PRAG1: variants seen among roughly 807,000 people sequenced by gnomAD.
PRAG1 encodes inactive tyrosine-protein kinase PRAG1.
A neutral mutation model predicts 95.6 loss-of-function variants in PRAG1; 110 were observed. That is an observed-to-expected ratio of 1.15 (90% CI 0.99 to 1.35). PRAG1 has a LOEUF of 1.35. Ranked by LOEUF, PRAG1 falls within the 40% of genes most tolerant of loss-of-function variation. PRAG1 has a pLI of 0.00. For synonymous variants in PRAG1, 1,052 were observed against 819.4 expected, an observed-to-expected ratio of 1.28 and a Z score of -4.85; for missense variants, 2,554 against 1,864.7, an observed-to-expected ratio of 1.37 and a Z score of -6.81.
chr8:8,354,732 G>T (rs1033696007), intron 3 of PRAG1, among the ~76,000 whole-genome samples: 10 of 152,068 alleles, frequency 6.6e-5, no homozygotes, highest in African/African-American at 2.4e-4. Flanking sequence ...ATCCTTTCTT[G>T]ATAAAAACTC....
intron 3 of PRAG1, among the ~76,000 whole-genome samples, chr8:8,366,401 A>G (rs1295710130): frequency 6.6e-6 from 1 of 150,694 alleles, no homozygotes; most frequent in African/African-American, 2.4e-5. Context: ...GCAACCTCCA[A>G]CTCCCGGGTT....
rs1226075075 is a variant in PRAG1, at chr8:8,328,102, G to C, written c.2680C>G (p.Pro894Ala). 1 of 1,611,942 alleles carries C rather than the reference G, an allele frequency of 6.2e-7. No homozygotes were observed. Among genetic ancestry groups the C allele is most frequent in the African/African-American group, 1.3e-5 (1 of 74,896 alleles). Residue 894 changes from proline to alanine, a missense_variant, in exon 5 of 6, where the codon CCG becomes GCG. Pro to Ala is a conservative substitution (Grantham distance 27, BLOSUM62 -1). Coordinates refer to ENST00000615670, the MANE Select transcript of PRAG1 (RefSeq NM_001080826.3). ...KAFKGSGHWLPAAGLAGNRGG... is the reference protein window; with the variant it reads ...KAFKGSGHWLAAAGLAGNRGG... Reference sequence around the variant, plus strand: ...CTGTTGCCCGCCAGCCCTGCTGCCGGAAGCCAGTGGCCACTGCCTTTGAAA... The same window carrying C: ...CTGTTGCCCGCCAGCCCTGCTGCCGCAAGCCAGTGGCCACTGCCTTTGAAA...
chr8:8,328,213 G>A lies in PRAG1; in HGVS notation c.2569C>T (p.His857Tyr), dbSNP rs919998593. ...LNLSHSETNV[H>Y]DESHFSYSLS... ...GAATAGCTAAAGTGAGATTCGTCGT[G>A]GACGTTGGTTTCCGAGTGGCTTAGG... is the stretch of plus-strand genomic sequence containing the variant. The change falls in exon 5 of 6, where the codon CAC becomes TAC. Residue 857 changes from histidine to tyrosine, a missense_variant. Coordinates refer to ENST00000615670, the MANE Select transcript of PRAG1 (RefSeq NM_001080826.3). 1.2e-6 allele frequency: 2 copies of A among 1,614,244 alleles called. No individual in the cohort carries two copies. Among genetic ancestry groups the A allele is most frequent in the Non-Finnish European group, 8.5e-7 (1 of 1,180,044 alleles).
Position 8,318,147 on chromosome 8 carries a change from G to T in PRAG1, c.*7C>A. The T allele has an allele frequency of 4.4e-6, 7 of 1,608,810 alleles. No individual in the cohort carries two copies. Among genetic ancestry groups the T allele is most frequent in the Non-Finnish European group, 5.9e-6 (7 of 1,177,314 alleles). On this transcript the variant is annotated 3_prime_UTR_variant, in exon 6 of 6. Transcript: ENST00000615670. The surrounding 1 kb of genome is among the most constrained non-coding windows in gnomAD (Gnocchi z 4.2). ...AGGGGCAGCGACGGTGCAGGCTGGGGCTTGGCTCACAGAAGCTGCAGGAGC... is the reference window on the plus strand; with the variant it reads ...AGGGGCAGCGACGGTGCAGGCTGGGTCTTGGCTCACAGAAGCTGCAGGAGC...
At chr8:8,380,090 A>G (rs1800580448) in intron 2 of PRAG1, among the ~76,000 whole-genome samples, 1 of 151,824 alleles carries the variant, frequency 6.6e-6, no homozygotes, top group African/African-American at 2.4e-5. Context: ...TCCTATCTCC[A>G]CCAAAAAACA....
chr8:8,358,584 C>A (rs1435168548), intron 3 of PRAG1, among the ~76,000 whole-genome samples: 2 of 152,200 alleles, frequency 1.3e-5, no homozygotes, highest in African/African-American at 2.4e-5. Flanking sequence ...AAAGACACAT[C>A]ATTTCTGTTG....
chr8:8,343,006 G>A (rs745952685), intron 3 of PRAG1, among the ~76,000 whole-genome samples: 13 of 151,914 alleles, frequency 8.6e-5, no homozygotes, highest in Non-Finnish European at 1.6e-4. Flanking sequence ...TTTGCAACCC[G>A]CATTACTAAT....
intron 3 of PRAG1, among the ~76,000 whole-genome samples, chr8:8,366,825 G>C (rs1225695734): frequency 6.6e-6 from 1 of 151,524 alleles, no homozygotes; most frequent in Non-Finnish European, 1.5e-5. Context: ...CTACAGGTAT[G>C]TGCCACCATG....
At chr8:8,366,286 C>T (rs977514972) in intron 3 of PRAG1, among the ~76,000 whole-genome samples, 2 of 151,596 alleles carry the variant, frequency 1.3e-5, no homozygotes, top group African/African-American at 4.9e-5. Context: ...AGACAGAGTC[C>T]CCCTACCACC....
At chr8:8,334,682 C>T (rs773120961) in intron 4 of PRAG1, among the ~76,000 whole-genome samples, 1 of 148,486 alleles carries the variant, frequency 6.7e-6, no homozygotes, top group Non-Finnish European at 1.5e-5. Context: ...CTCGAATGCC[C>T]TGCCTACAGC....
intron 2 of PRAG1, 27 bp downstream of exon 2, chr8:8,381,391 A>T (rs1366963360): frequency 2.5e-6 from 4 of 1,579,814 alleles, no homozygotes; most frequent in South Asian, 1.2e-5. Flanking sequence ...CCCCTGTAAA[A>T]ATACCACGAG....
At chr8:8,333,745 G>A (rs1798894771) in intron 4 of PRAG1, among the ~76,000 whole-genome samples, 1 of 152,172 alleles carries the variant, frequency 6.6e-6, no homozygotes, top group Admixed American at 6.5e-5. Context: ...CAGAACAAAT[G>A]CAGAAGCAAA....
intron 4 of PRAG1, among the ~76,000 whole-genome samples, chr8:8,331,773 A>C (rs866512472): frequency 1.3e-5 from 2 of 151,974 alleles, no homozygotes; most frequent in South Asian, 2.1e-4. Context: ...GAAGGAAGTG[A>C]TTTTGTCCTT....
intron 3 of PRAG1, among the ~76,000 whole-genome samples, chr8:8,368,411 C>G (rs1309359998): frequency 1.3e-5 from 2 of 152,020 alleles, no homozygotes; most frequent in African/African-American, 4.8e-5. Context: ...GGGCTCTGCC[C>G]AAAAGTCAAT....
At chr8:8,355,792 C>T (rs1799662721) in intron 3 of PRAG1, among the ~76,000 whole-genome samples, 1 of 152,038 alleles carries the variant, frequency 6.6e-6, no homozygotes, top group African/African-American at 2.4e-5. Flanking sequence ...GGATAGAAGG[C>T]CTAAATGTAG....
chr8:8,363,803 G>A (rs1222654878), intron 3 of PRAG1, among the ~76,000 whole-genome samples: 2 of 152,104 alleles, frequency 1.3e-5, no homozygotes, highest in African/African-American at 4.8e-5. Flanking sequence ...AACAGACATA[G>A]TGTTATTTTA....
chr8:8,345,231 C>G (rs1053270852), intron 3 of PRAG1, among the ~76,000 whole-genome samples: 1 of 151,814 alleles, frequency 6.6e-6, no homozygotes, highest in African/African-American at 2.4e-5. Flanking sequence ...CCTGCCAGGT[C>G]GCTAAAACCC....
intron 3 of PRAG1, among the ~76,000 whole-genome samples, chr8:8,354,037 C>T (rs1799610303): frequency 6.7e-6 from 1 of 149,976 alleles, no homozygotes; most frequent in Non-Finnish European, 1.5e-5. Flanking sequence ...ATCAACAAAC[C>T]CCTAGATAGA....
At position 8,328,144 on chromosome 8, in the gene PRAG1, C is replaced by T. The variant is rs752172969; in HGVS notation, c.2638G>A (p.Asp880Asn). Residue 880 changes from aspartate to asparagine, a missense_variant, in exon 5 of 6, where the codon GAT becomes AAT. Physicochemically the swap from Asp to Asn is conservative, Grantham distance 23. Transcript: ENST00000615670. Reference protein sequence around the residue: ...NRHHPVFSSSDPLEKAFKGSG... With the variant: ...NRHHPVFSSSNPLEKAFKGSG... Reference sequence around the variant, plus strand: ...CCTTTGAAAGCTTTCTCCAGAGGATCGGAAGAGGAGAAGACAGGATGGTGG... The same window carrying T: ...CCTTTGAAAGCTTTCTCCAGAGGATTGGAAGAGGAGAAGACAGGATGGTGG... 3.1e-6 allele frequency: 5 copies of T among 1,614,188 alleles called. No homozygotes were observed. In the East Asian group the frequency reaches 6.7e-5, roughly 22 times the overall value.
Sources: gnomAD v4.1 joint callset for allele counts (sites outside exome capture counted in the v4.1 genomes callset) on GRCh38, gnomAD v4.1.1 for gene constraint, Gnocchi (gnomAD v3.1) non-coding constraint, MANE v1.5 for transcripts, NCBI Gene and HGNC (gene_info 2026-07-23, HGNC 2026-07-21) for gene names.